Variants in CCDC33 observed in about 807,000 individuals in gnomAD.
CCDC33 encodes the protein coiled-coil domain-containing protein 33.
A neutral mutation model predicts 91.9 loss-of-function variants in CCDC33; 94 were observed. The observed-to-expected ratio is 1.02, with a 90% CI of 0.87 to 1.21. The LOEUF (loss-of-function observed/expected upper bound fraction) is 1.21, where lower values mean the gene tolerates loss of function less well. Among genes scored for constraint, CCDC33 ranks in the 50% most tolerant of loss-of-function variants. CCDC33 has a pLI of 0.00. For synonymous variants in CCDC33, 396 were observed against 374.5 expected, an observed-to-expected ratio of 1.06 and a Z score of -0.66; for missense variants, 940 against 935.5, an observed-to-expected ratio of 1.00 and a Z score of -0.06.
chr15:74,310,873 T>TGAGGCTC (rs1340574695), intron 11 of CCDC33, among the ~76,000 whole-genome samples: 1 of 152,150 alleles, frequency 6.6e-6, no homozygotes, highest in African/African-American at 2.4e-5. Context: ...CCAACTGCCT[T>TGAGGCTC]GAGGCTCAAG....
intron 2 of CCDC33, among the ~76,000 whole-genome samples, chr15:74,248,678 G>T (rs1480972563): frequency 1.3e-5 from 2 of 152,150 alleles, no homozygotes; most frequent in Non-Finnish European, 2.9e-5. Context: ...CTTGTTTGGG[G>T]CATGGCCATT....
chr15:74,305,853 C>T (rs1225877992), intron 11 of CCDC33, among the ~76,000 whole-genome samples: 4 of 150,572 alleles, frequency 2.7e-5, no homozygotes, highest in African/African-American at 9.9e-5. Flanking sequence ...ATTTCCACCT[C>T]CCAAGAGCTG....
chr15:74,281,623 G>C (rs183091205), intron 9 of CCDC33, among the ~76,000 whole-genome samples, 155 bp from the exon 10 acceptor site: 529 of 152,298 alleles, frequency 3.5e-3, no homozygotes, highest in Middle Eastern at 6.8e-3. Flanking sequence ...GGCAGTTTGC[G>C]AGGGCAAAAG....
intron 1 of CCDC33, chr15:74,203,341 T>A: frequency 2.8e-6 from 1 of 353,672 alleles, no homozygotes; most frequent in East Asian, 1.7e-4. Context: ...CCTCCTGGAG[T>A]GAGGTTGAGG....
chr15:74,259,201 G>A (rs2075956549), intron 2 of CCDC33, among the ~76,000 whole-genome samples: 1 of 152,202 alleles, frequency 6.6e-6, no homozygotes, highest in African/African-American at 2.4e-5. Flanking sequence ...TCTTTGGGGG[G>A]ACAGGGAGGG....
At chr15:74,220,763 TGGGGGAGAGTG>T (rs1672451323) in intron 2 of CCDC33, among the ~76,000 whole-genome samples, 1 of 152,064 alleles carries the variant, frequency 6.6e-6, no homozygotes, top group Non-Finnish European at 1.5e-5. Flanking sequence ...ATCGCTTCCC[TGGGGGAGAGTG>T]GGGGGAGAGT....
At chr15:74,266,268 G>A (rs94899) in intron 3 of CCDC33, among the ~76,000 whole-genome samples, 95,936 of 152,098 alleles carry the variant, frequency 0.63, 33,196 homozygotes, top group Non-Finnish European at 0.79. Context: ...TCAAGAGCTG[G>A]CATAAGTGTT....
intron 2 of CCDC33, among the ~76,000 whole-genome samples, chr15:74,220,742 G>A (rs1171392332): frequency 1.3e-5 from 2 of 152,196 alleles, no homozygotes; most frequent in African/African-American, 4.8e-5. Flanking sequence ...TGGCTTTCAA[G>A]GGAGAGGAAA....
chr15:74,295,352 G>C (rs2059664149), intron 10 of CCDC33, among the ~76,000 whole-genome samples: 1 of 152,196 alleles, frequency 6.6e-6, no homozygotes, highest in African/African-American at 2.4e-5. Flanking sequence ...ACAGTAAAAT[G>C]GGATAAATGA....
intron 2 of CCDC33, among the ~76,000 whole-genome samples, chr15:74,228,262 C>T (rs1334998409): frequency 2.0e-5 from 3 of 152,202 alleles, no homozygotes; most frequent in Non-Finnish European, 4.4e-5. Context: ...GTGATGGGCT[C>T]TGGTTTCAAT....
chr15:74,335,574 C>A (rs2060548840), intron 18 of CCDC33: 2 of 340,608 alleles, frequency 5.9e-6, no homozygotes, highest in Non-Finnish European at 5.4e-6. Context: ...TCAAGTTCAA[C>A]CCCGGGACCG....
chr15:74,238,081 T>A (rs565972664), intron 1 of CCDC33, among the ~76,000 whole-genome samples: 1 of 152,008 alleles, frequency 6.6e-6, no homozygotes, highest in Admixed American at 6.5e-5. Context: ...TGAGCCGAGA[T>A]CACGCCACTG....
chr15:74,217,072 A>T, upstream of CCDC33: 1 of 282,966 alleles, frequency 3.5e-6, no homozygotes, highest in Non-Finnish European at 6.9e-6. Flanking sequence ...AACAAATGCT[A>T]AAAGGAAGGG....
rs1004114010 is a variant in CCDC33 at position 74,207,777 on chromosome 15, G to A, written n.90-1611G>A. ...TCATGCGGGCCCGTGAGCTTGGGGT[G>A]TGCCCTCAGTGGCACAGCACACTCA... On this transcript the variant is annotated intron_variant and non_coding_transcript_variant, in intron 1 of 3. Transcript: ENST00000558645. 3.3e-6 allele frequency: 5 copies of A among 1,535,608 alleles called. No individual in the cohort carries two copies. In the African/African-American group the frequency reaches 6.8e-5, roughly 21 times the overall value.
At chr15:74,280,152 A>T in intron 8 of CCDC33, 60 bp downstream of exon 8, 1 of 1,596,340 alleles carries the variant, frequency 6.3e-7, no homozygotes, top group East Asian at 2.2e-5. Context: ...GTATTATGAA[A>T]GGGTGTTCAG....
intron 11 of CCDC33, among the ~76,000 whole-genome samples, chr15:74,306,419 A>T (rs548993822): frequency 6.6e-6 from 1 of 152,344 alleles, no homozygotes; most frequent in Non-Finnish European, 1.5e-5. Flanking sequence ...ACCAAGCATC[A>T]GTGGCGGTTA....
In CCDC33 at chr15:74,316,735, C is replaced by A. The variant is rs147532516; in HGVS notation, c.1291-13454C>A. On this transcript the variant is annotated intron_variant, in intron 11 of 18. Transcript: ENST00000398814. This position sits in a 1 kb window ranked among gnomAD's most constrained non-coding sequence, Gnocchi z 4.7. ...TGGAGGGGTGCTAGACCCTCCAGAG[C>A]CCCTCATGAGAGTTGCACAGAGGAG... Among the ~76,000 whole-genome samples the A allele has an allele frequency of 2.2e-4, 33 of 152,176 alleles. 1 individual carries two copies. Among genetic ancestry groups the A allele is most frequent in the Admixed American group, 2.0e-3 (31 of 15,286 alleles).
At chr15:74,279,797 G>A (rs932150756) in intron 7 of CCDC33, among the ~76,000 whole-genome samples, 166 bp from the exon 8 acceptor site, 2 of 152,178 alleles carry the variant, frequency 1.3e-5, no homozygotes, top group African/African-American at 4.8e-5. Context: ...TTGGCCTCCC[G>A]AAGTGCTGGA....
chr15:74,284,430 C>A (rs546225152), intron 10 of CCDC33, among the ~76,000 whole-genome samples: 1 of 152,288 alleles, frequency 6.6e-6, no homozygotes, highest in South Asian at 2.1e-4. Context: ...GATGGCATTG[C>A]AGCTAAATCT....
Sources: allele counts gnomAD v4.1 joint callset (sites outside exome capture counted in the v4.1 genomes callset), GRCh38; gene constraint gnomAD v4.1.1; non-coding constraint Gnocchi (gnomAD v3.1); transcripts MANE v1.5; gene names NCBI Gene and HGNC (gene_info 2026-07-23, HGNC 2026-07-21).